Variants in STK32B observed in about 807,000 individuals in gnomAD.
The protein encoded by STK32B is serine/threonine-protein kinase 32B.
A neutral mutation model predicts 52.6 loss-of-function variants in STK32B; 43 were observed. The observed-to-expected ratio is 0.82, with a 90% CI of 0.64 to 1.05. The LOEUF is 1.05. STK32B is among the 50% of genes least tolerant of loss of function. The pLI is 0.00. For synonymous variants in STK32B, 238 were observed against 204.3 expected (o/e 1.17, Z -1.41); for missense variants, 621 against 534.6 (o/e 1.16, Z -1.59).
intron 1 of STK32B, among the ~76,000 whole-genome samples, chr4:5,062,463 C>T (rs1041018099): frequency 3.3e-5 from 5 of 152,294 alleles, no homozygotes; most frequent in South Asian, 4.1e-4. Context: ...CTCCCTTTCC[C>T]ATGTTTTCGA....
chr4:5,362,966 G>A (rs1185141787), intron 4 of STK32B, among the ~76,000 whole-genome samples: 1 of 152,198 alleles, frequency 6.6e-6, no homozygotes, highest in African/African-American at 2.4e-5. Flanking sequence ...CAGGCATTAT[G>A]CCCTGCATGA....
chr4:5,051,889 C>A lies in STK32B; in HGVS notation c.26C>A (p.Pro9His), dbSNP rs753328623. Residue 9 changes from proline to histidine, a missense_variant, in exon 1 of 12, where the codon CCC becomes CAC. Physicochemically the swap from Pro to His is moderately conservative, Grantham distance 77 (BLOSUM62 -2). Transcript: ENST00000282908. ...ATGGGCGGGAACCACTCCCACAAGC[C>A]CCCCGTGTTTGACGAGAATGAGGAA... MGGNHSHK[P>H]PVFDENEEVN... 9.4e-6 allele frequency: 15 copies of A among 1,600,548 alleles called. No homozygotes were observed. In the African/African-American group the frequency reaches 1.5e-4, roughly 16 times the overall value.
intron 3 of STK32B, among the ~76,000 whole-genome samples, chr4:5,250,965 G>C (rs997719894): frequency 4.6e-5 from 7 of 152,134 alleles, no homozygotes; most frequent in Non-Finnish European, 1.0e-4. Flanking sequence ...TTAGACCTTT[G>C]TCAGATGCAT....
intron 5 of STK32B, among the ~76,000 whole-genome samples, chr4:5,405,068 G>T (rs910639743): frequency 1.3e-5 from 2 of 151,708 alleles, no homozygotes; most frequent in Non-Finnish European, 2.9e-5. Flanking sequence ...GGGTTTCACC[G>T]TGTTAGCCAG....
chr4:5,323,916 C>G (rs893868497), intron 3 of STK32B, among the ~76,000 whole-genome samples: 3 of 152,206 alleles, frequency 2.0e-5, no homozygotes, highest in African/African-American at 7.2e-5. Context: ...TATCTTGGCT[C>G]AGTCCCAGCT....
At chr4:5,355,270 T>C (rs1420747273) in intron 4 of STK32B, among the ~76,000 whole-genome samples, 1 of 152,182 alleles carries the variant, frequency 6.6e-6, no homozygotes, top group Non-Finnish European at 1.5e-5. Flanking sequence ...ACTGCTATTA[T>C]CGTTATAATA....
chr4:5,465,517 C>T (rs1333657197), intron 9 of STK32B, among the ~76,000 whole-genome samples: 1 of 152,082 alleles, frequency 6.6e-6, no homozygotes, highest in Non-Finnish European at 1.5e-5. Flanking sequence ...GGTTCAAGGC[C>T]AGGAATCCTA....
chr4:5,428,182 C>T (rs912013322), intron 6 of STK32B, among the ~76,000 whole-genome samples: 1 of 151,900 alleles, frequency 6.6e-6, no homozygotes, highest in Admixed American at 6.6e-5. Context: ...CCGACGCGGG[C>T]GGATCACAAG....
intron 1 of STK32B, among the ~76,000 whole-genome samples, chr4:5,130,808 A>G (rs947824599): frequency 5.3e-5 from 8 of 152,006 alleles, no homozygotes; most frequent in Non-Finnish European, 1.0e-4. Flanking sequence ...CCTTCCACTC[A>G]TACTTCTGTC....
chr4:5,488,665 T>G (rs1372878220), intron 11 of STK32B, among the ~76,000 whole-genome samples: 1 of 152,180 alleles, frequency 6.6e-6, no homozygotes, highest in East Asian at 1.9e-4. Flanking sequence ...AACTCAGTCA[T>G]TTTATTTGAG....
At chr4:5,158,639 C>T (rs1345451754) in intron 2 of STK32B, among the ~76,000 whole-genome samples, 3 of 152,184 alleles carry the variant, frequency 2.0e-5, no homozygotes, top group African/African-American at 4.8e-5. Context: ...AACAACAAAA[C>T]TGATTTTCAC....
intron 3 of STK32B, among the ~76,000 whole-genome samples, chr4:5,258,209 A>C (rs1399653319): frequency 6.6e-6 from 1 of 152,168 alleles, no homozygotes; most frequent in Non-Finnish European, 1.5e-5. Flanking sequence ...AATTATAGTG[A>C]TATTGAGAAG....
At chr4:5,332,191 A>G (rs1286814721) in intron 4 of STK32B, among the ~76,000 whole-genome samples, 8 of 152,234 alleles carry the variant, frequency 5.3e-5, no homozygotes, top group African/African-American at 1.7e-4. Context: ...GTTAAACTCC[A>G]TTAAATGACA....
rs550339678 is a variant in STK32B at position 5,430,921 on chromosome 4, C to CTATT, written c.562+13987_562+13988insTATT. ...CTCTCTCTGTGCTCCTGTTCTCTAG[C>CTATT]AATAGGCTTCTGTTTCTAGTTCCTT... On this transcript the variant is annotated intron_variant, in intron 6 of 11. Coordinates refer to ENST00000282908, the MANE Select transcript of STK32B (RefSeq NM_018401.3). Among the ~76,000 whole-genome samples, 13 of 152,328 alleles carry CTATT rather than the reference C, an allele frequency of 8.5e-5. No homozygotes were observed. The East Asian group carries it at 2.5e-3, about 29-fold the overall frequency.
rs117097822 is a variant in STK32B, at chr4:5,359,145, G to A, written c.434+27752G>A. On this transcript the variant is annotated intron_variant, in intron 4 of 11. Transcript: ENST00000282908. ...AATTGCCATAAGCATTTTTGAAACCGTTCCTTAAAGTCAGATTGGGGTTAA... is the reference window on the plus strand; with the variant it reads ...AATTGCCATAAGCATTTTTGAAACCATTCCTTAAAGTCAGATTGGGGTTAA... Among the ~76,000 whole-genome samples the A allele has an allele frequency of 2.8e-3, 428 of 152,256 alleles. 1 individual carries two copies. The highest frequency in any genetic ancestry group is 0.014 in the Middle Eastern group (4 of 294).
intron 4 of STK32B, among the ~76,000 whole-genome samples, chr4:5,336,131 C>T (rs1310960813): frequency 6.8e-6 from 1 of 145,994 alleles, no homozygotes; most frequent in South Asian, 2.2e-4. Context: ...GTTATCTGAA[C>T]ATAATCATAC....
At chr4:5,422,630 A>G (rs1222183522) in intron 6 of STK32B, among the ~76,000 whole-genome samples, 2 of 152,214 alleles carry the variant, frequency 1.3e-5, no homozygotes, top group African/African-American at 4.8e-5. Context: ...CAAGGCATTG[A>G]TTCAGTAAAC....
chr4:5,077,605 C>G (rs1020365587), intron 1 of STK32B, among the ~76,000 whole-genome samples: 2 of 152,182 alleles, frequency 1.3e-5, no homozygotes, highest in African/African-American at 4.8e-5. Flanking sequence ...CTCTTCTCTT[C>G]TCCCTTGCAG....
At chr4:5,156,443 CTCT>C (rs1279149639) in intron 2 of STK32B, among the ~76,000 whole-genome samples, 1 of 152,180 alleles carries the variant, frequency 6.6e-6, no homozygotes, top group Non-Finnish European at 1.5e-5. Flanking sequence ...ACAGACACTC[CTCT>C]ATTTCCACTC....
Sources: allele counts gnomAD v4.1 joint callset (sites outside exome capture counted in the v4.1 genomes callset), GRCh38; gene constraint gnomAD v4.1.1; transcripts MANE v1.5; gene names NCBI Gene and HGNC (gene_info 2026-07-23, HGNC 2026-07-21).